The following BCL2 variants were observed in gnomAD, a reference collection of about 807,000 sequenced individuals.
BCL2 encodes the protein BCL2 apoptosis regulator, also known as apoptosis regulator Bcl-2.
BCL2 carries 1 observed loss-of-function variant against 14.2 expected under a neutral mutation model. The observed-to-expected ratio is 0.07, with a 90% CI of 0.02 to 0.33. BCL2 has a LOEUF of 0.33. Among genes scored for constraint, BCL2 ranks in the 10% least tolerant of loss-of-function variants. The pLI is 0.99. For missense variants in BCL2, 247 were observed against 305.9 expected (o/e 0.81, Z 1.44); for synonymous variants, 151 against 137.2 (o/e 1.10, Z -0.70).
chr18:63,289,207 G>A (rs1395841321), intron 2 of BCL2, among the ~76,000 whole-genome samples: 1 of 151,962 alleles, frequency 6.6e-6, no homozygotes, highest in Non-Finnish European at 1.5e-5. Context: ...AGAAGGAAAA[G>A]TATAGCAAAC....
chr18:63,259,555 G>T (rs911213036), intron 2 of BCL2, among the ~76,000 whole-genome samples: 1 of 152,270 alleles, frequency 6.6e-6, no homozygotes, highest in African/African-American at 2.4e-5. Flanking sequence ...CCTGATGGCA[G>T]TCATTGCCCA....
At chr18:63,289,194 G>A (rs1393886525) in intron 2 of BCL2, among the ~76,000 whole-genome samples, 1 of 151,984 alleles carries the variant, frequency 6.6e-6, no homozygotes, top group African/African-American at 2.4e-5. Context: ...ACCTGGAAGA[G>A]GAAGAAGGAA....
At chr18:63,223,311 C>A (rs370655068) in intron 2 of BCL2, among the ~76,000 whole-genome samples, 52 of 151,394 alleles carry the variant, frequency 3.4e-4, no homozygotes, top group African/African-American at 1.1e-3. Flanking sequence ...GAGGCAGGAG[C>A]ATGGTGTGAA....
chr18:63,182,896 A>G (rs1267107404), intron 2 of BCL2, among the ~76,000 whole-genome samples: 1 of 152,240 alleles, frequency 6.6e-6, no homozygotes, highest in African/African-American at 2.4e-5. Flanking sequence ...GCTGTAAGAC[A>G]GACTGTAGCC....
chr18:63,284,814 A>G (rs192604914), intron 2 of BCL2, among the ~76,000 whole-genome samples: 82 of 131,714 alleles, frequency 6.2e-4, no homozygotes, highest in African/African-American at 1.8e-3. Context: ...GACGGAGAGG[A>G]ACCACTGGTT....
rs367947868 is a variant in BCL2 at position 63,191,854 on chromosome 18, C to T, written c.586-63095G>A. Among the ~76,000 whole-genome samples, 26 of 152,270 alleles carry T rather than the reference C, an allele frequency of 1.7e-4. 1 individual carries two copies. The highest frequency in any genetic ancestry group is 5.8e-4 in the East Asian group (3 of 5,192). The stretch of plus-strand genomic sequence containing the variant: ...CTCTGACCAATCAGAAATAACTAAG[C>T]GTTGAGGCTGAAATATGAAATTAAA... On this transcript the variant is annotated intron_variant, in intron 2 of 2. Coordinates refer to ENST00000333681, the MANE Select transcript of BCL2 (RefSeq NM_000633.3).
intron 2 of BCL2, among the ~76,000 whole-genome samples, chr18:63,230,188 A>T (rs1910653787): frequency 1.3e-5 from 2 of 152,314 alleles, no homozygotes; most frequent in Middle Eastern, 3.4e-3. Context: ...CCAAAATACA[A>T]TAAAAAAATT....
chr18:63,127,068 C>A lies in BCL2; in HGVS notation c.*1557G>T. 4.4e-6 allele frequency: 1 copy of A among 228,008 alleles called. No homozygotes were observed. The highest frequency in any genetic ancestry group is 8.7e-6 in the Non-Finnish European group (1 of 114,856). 14.1% of individuals were successfully genotyped at this position (228,008 alleles called of 1,614,324 possible). ...TTAATGCCCCAGGATGTACAGATAA[C>A]CCCCATATTCCACACCTGGAACTTT... is the stretch of plus-strand genomic sequence containing the variant. On this transcript the variant is annotated 3_prime_UTR_variant, in exon 3 of 3. Transcript: ENST00000333681.
Position 63,195,141 on chromosome 18 carries a change from C to A in BCL2, c.586-66382G>T, listed in dbSNP as rs555501738. ...GAAAACATCATAGTGGGGATGGAAACCTCCCTTGCTCACAAAGCTGGGGAT... is the reference window on the plus strand; with the variant it reads ...GAAAACATCATAGTGGGGATGGAAAACTCCCTTGCTCACAAAGCTGGGGAT... On this transcript the variant is annotated intron_variant, in intron 2 of 2. Coordinates refer to ENST00000333681, the MANE Select transcript of BCL2 (RefSeq NM_000633.3). 3.3e-5 allele frequency among the ~76,000 whole-genome samples: 5 copies of A among 152,324 alleles called. No individual in the cohort carries two copies. In the East Asian group the frequency reaches 7.7e-4, roughly 23 times the overall value.
intron 2 of BCL2, among the ~76,000 whole-genome samples, chr18:63,199,459 G>A (rs186779950): frequency 3.6e-5 from 5 of 139,814 alleles, no homozygotes; most frequent in East Asian, 4.3e-4. Context: ...AGAGACACAC[G>A]CAGACAAATG....
At chr18:63,217,567 A>C (rs892439910) in intron 2 of BCL2, among the ~76,000 whole-genome samples, 1 of 152,146 alleles carries the variant, frequency 6.6e-6, no homozygotes, top group Non-Finnish European at 1.5e-5. Flanking sequence ...AAAAGCATCA[A>C]ATCTTGTCTT....
rs1390347465 is a variant in BCL2 at position 63,318,796 on chromosome 18, G to C, written c.-130C>G. 5 of 1,477,244 alleles carry C rather than the reference G, an allele frequency of 3.4e-6. No homozygotes were observed. Among genetic ancestry groups the C allele is most frequent in the South Asian group, 1.4e-5 (1 of 72,252 alleles). The allele number at this position is 1,477,244 out of a possible 1,614,324, so 91.5% of individuals were successfully genotyped here. A position where few individuals can be genotyped will look rare whatever the true frequency, so the allele number is the denominator to read the frequency against. On this transcript the variant is annotated 5_prime_UTR_variant, in exon 2 of 3. Coordinates refer to ENST00000333681, the MANE Select transcript of BCL2 (RefSeq NM_000633.3). The surrounding 1 kb of genome is among the most constrained non-coding windows in gnomAD (Gnocchi z 7.4). The stretch of plus-strand genomic sequence containing the variant: ...GGATGTGCTTTGCATTCTTGGACGA[G>C]GGGGTGTCTTCAATCACGCGGAACA...
At chr18:63,157,468 C>T (rs990883892) in intron 2 of BCL2, among the ~76,000 whole-genome samples, 2 of 152,236 alleles carry the variant, frequency 1.3e-5, no homozygotes, top group African/African-American at 4.8e-5. Context: ...TAGAACCATG[C>T]ACGCGGCAGT....
At chr18:63,217,273 GAAAGGCA>G (rs1391673975) in intron 2 of BCL2, among the ~76,000 whole-genome samples, 42 of 152,244 alleles carry the variant, frequency 2.8e-4, no homozygotes, top group Middle Eastern at 6.8e-3. Flanking sequence ...CAAAGAAACC[GAAAGGCA>G]TTCTGTAAGG....
chr18:63,212,220 G>C (rs1358306829), intron 2 of BCL2, among the ~76,000 whole-genome samples: 1 of 151,366 alleles, frequency 6.6e-6, no homozygotes, highest in Non-Finnish European at 1.5e-5. Context: ...CAGCTACTCG[G>C]GAGGCTGAGG....
intron 2 of BCL2, among the ~76,000 whole-genome samples, chr18:63,264,987 G>A (rs1911781574): frequency 1.6e-4 from 1 of 6,194 alleles, no homozygotes; most frequent in Non-Finnish European, 3.3e-4. Flanking sequence ...AAGAAACCAA[G>A]TGCCAAGATC....
chr18:63,168,519 C>A (rs1915099466), intron 2 of BCL2, among the ~76,000 whole-genome samples: 1 of 152,186 alleles, frequency 6.6e-6, no homozygotes, highest in Admixed American at 6.5e-5. Context: ...TTGCTGGCTG[C>A]AGTTCTAACA....
At chr18:63,198,438 ACT>A (rs1353470785) in intron 2 of BCL2, among the ~76,000 whole-genome samples, 6 of 147,518 alleles carry the variant, frequency 4.1e-5, no homozygotes, top group Non-Finnish European at 7.6e-5. Context: ...ACAGACACAC[ACT>A]GACACACAGA....
intron 2 of BCL2, among the ~76,000 whole-genome samples, chr18:63,163,935 G>A (rs1431174286): frequency 6.6e-6 from 1 of 152,162 alleles, no homozygotes; most frequent in Non-Finnish European, 1.5e-5. Context: ...ATAGGTGTGT[G>A]CTTTTATATG....
Sources: gnomAD v4.1 joint callset for allele counts (sites outside exome capture counted in the v4.1 genomes callset) on GRCh38, gnomAD v4.1.1 for gene constraint, Gnocchi (gnomAD v3.1) non-coding constraint, MANE v1.5 for transcripts, NCBI Gene and HGNC (gene_info 2026-07-23, HGNC 2026-07-21) for gene names.